Variants in TRIO observed in about 807,000 individuals in gnomAD.
The protein encoded by TRIO is triple functional domain protein.
In TRIO, 58 loss-of-function variants were observed where a neutral mutation model predicts 351.9. That is an observed-to-expected ratio of 0.16 (90% CI 0.13 to 0.21). TRIO has a LOEUF of 0.21. Among genes scored for constraint, TRIO ranks in the 10% least tolerant of loss-of-function variants. The pLI is 1.00. For synonymous variants in TRIO, 1,758 were observed against 1,595.7 expected (o/e 1.10, Z -2.42); for missense variants, 3,201 against 4,027.8 (o/e 0.79, Z 5.56).
intron 34 of TRIO, among the ~76,000 whole-genome samples, chr5:14,430,529 A>G (rs1481184797): frequency 1.3e-5 from 2 of 152,222 alleles, no homozygotes; most frequent in African/African-American, 2.4e-5. Context: ...CATCCTTGCA[A>G]AGTTCTTCGT....
intron 1 of TRIO, among the ~76,000 whole-genome samples, chr5:14,221,096 T>G (rs771243416): frequency 9.2e-5 from 14 of 152,198 alleles, no homozygotes; most frequent in Admixed American, 1.3e-4. Flanking sequence ...CTAGATACCT[T>G]AAGAATTATG....
chr5:14,355,051 C>T (rs1743489641), intron 11 of TRIO, among the ~76,000 whole-genome samples: 1 of 152,090 alleles, frequency 6.6e-6, no homozygotes, highest in Non-Finnish European at 1.5e-5. Context: ...AGGTGGGAGG[C>T]TGCAGTGGCT....
chr5:14,282,179 C>T (rs979777197), intron 3 of TRIO, among the ~76,000 whole-genome samples: 1 of 152,166 alleles, frequency 6.6e-6, no homozygotes, highest in African/African-American at 2.4e-5. Context: ...TCTTAGGCAG[C>T]TGACCTGTTG....
At chr5:14,223,069 C>T (rs1792750906) in intron 1 of TRIO, among the ~76,000 whole-genome samples, 1 of 152,164 alleles carries the variant, frequency 6.6e-6, no homozygotes, top group African/African-American at 2.4e-5. Flanking sequence ...GTGCAGCTGA[C>T]ACAGAGGCAG....
intron 1 of TRIO, among the ~76,000 whole-genome samples, chr5:14,146,896 T>A (rs1301461813): frequency 6.6e-6 from 1 of 152,220 alleles, no homozygotes; most frequent in Non-Finnish European, 1.5e-5. Flanking sequence ...TTGCTGTCAT[T>A]CCGTTCTCTG....
intron 2 of TRIO, 45 bp from the exon 3 acceptor site, chr5:14,280,277 T>C (rs1176457546): frequency 7.1e-6 from 11 of 1,548,888 alleles, no homozygotes; most frequent in Non-Finnish European, 9.8e-6. Context: ...ATAGGATTTC[T>C]GTCTTATCTT....
chr5:14,480,035 C>G (rs764710444), intron 43 of TRIO, 24 bp downstream of exon 43: 1 of 1,609,476 alleles, frequency 6.2e-7, no homozygotes, highest in Non-Finnish European at 8.5e-7. Context: ...GGGACAAACT[C>G]TGGTGTCAGG....
At chr5:14,176,492 G>A (rs551226137) in intron 1 of TRIO, among the ~76,000 whole-genome samples, 1 of 152,174 alleles carries the variant, frequency 6.6e-6, no homozygotes, top group South Asian at 2.1e-4. Context: ...ACAGAGTCTT[G>A]CTCTGTTGCC....
At chr5:14,166,995 ATTCTTGGGCT>A (rs1373221414) in intron 1 of TRIO, among the ~76,000 whole-genome samples, 2 of 151,992 alleles carry the variant, frequency 1.3e-5, no homozygotes, top group Non-Finnish European at 2.9e-5. Flanking sequence ...TCAAGCGCCC[ATTCTTGGGCT>A]TATGTCTTCT....
In TRIO at chr5:14,504,519, C is replaced by T; in HGVS notation, c.8538C>T (p.Ser2846=). 1 of 1,614,168 alleles carries T rather than the reference C, an allele frequency of 6.2e-7. No individual in the cohort carries two copies. The highest frequency in any genetic ancestry group is 8.5e-7 in the Non-Finnish European group (1 of 1,180,034). Residue 2846 remains serine, a synonymous_variant, in exon 55 of 57, where the codon AGC becomes AGT. Coordinates refer to ENST00000344204, the MANE Select transcript of TRIO (RefSeq NM_007118.4). ...CCCATGAGCTTGGCATCCTGCAGAG[C>T]CTCCAGCACCCCCTGCTTGTCGGCC... ...QVTHELGILQ[S]LQHPLLVGLL...
intron 11 of TRIO, among the ~76,000 whole-genome samples, chr5:14,348,903 TTG>T (rs942694339): frequency 2.6e-4 from 36 of 138,264 alleles, no homozygotes; most frequent in Admixed American, 8.0e-4. Context: ...TCCTGCATGT[TTG>T]TGTGTGTACG....
At chr5:14,339,118 T>A (rs1741702313) in intron 11 of TRIO, among the ~76,000 whole-genome samples, 1 of 151,984 alleles carries the variant, frequency 6.6e-6, no homozygotes, top group South Asian at 2.1e-4. Context: ...GCACCTGTAG[T>A]CCCATCTACT....
chr5:14,355,956 A>G (rs1407046136), intron 11 of TRIO, among the ~76,000 whole-genome samples: 1 of 152,112 alleles, frequency 6.6e-6, no homozygotes, highest in Non-Finnish European at 1.5e-5. Flanking sequence ...TATCTCTAAA[A>G]CTCCATTGAT....
rs1271372458 is a variant in TRIO, at chr5:14,488,003, T to C, written c.7375T>C (p.Ser2459Pro). Reference sequence around the variant, plus strand: ...GGCCGGGGCCGCTTCGCCGCTGAACTCGCCGCTCTCCAGCGCGGTCCCTTC... The same window carrying C: ...GGCCGGGGCCGCTTCGCCGCTGAACCCGCCGCTCTCCAGCGCGGTCCCTTC... The part of the protein sequence containing the change: ...PRAGAASPLN[S>P]PLSSAVPSLG... The change falls in exon 48 of 57, where the codon TCG (serine) becomes CCG (proline). Residue 2459 changes from serine (S) to proline (P), a missense_variant. Ser to Pro is a moderately conservative substitution (Grantham distance 74). This residue lies in a region of TRIO where 1,089 missense variants were observed against 954.9 expected (regional missense o/e 1.14). Coordinates refer to ENST00000344204, the MANE Select transcript of TRIO (RefSeq NM_007118.4). 5 of 1,574,646 alleles carry C rather than the reference T, an allele frequency of 3.2e-6. No individual in the cohort carries two copies. In the African/African-American group the frequency reaches 6.8e-5, roughly 21 times the overall value.
chr5:14,371,986 G>A (rs1349639800), intron 18 of TRIO, among the ~76,000 whole-genome samples: 2 of 151,898 alleles, frequency 1.3e-5, no homozygotes, highest in Non-Finnish European at 1.5e-5. Context: ...ATTCAAACAG[G>A]GTCCACATAT....
chr5:14,493,758 C>G (rs1756669430), intron 49 of TRIO, among the ~76,000 whole-genome samples: 1 of 152,226 alleles, frequency 6.6e-6, no homozygotes, highest in African/African-American at 2.4e-5. Context: ...AGGCCGAAAG[C>G]TAAGCGCCTC....
At chr5:14,277,892 G>A (rs747661302) in intron 2 of TRIO, among the ~76,000 whole-genome samples, 15 of 152,148 alleles carry the variant, frequency 9.9e-5, no homozygotes, top group Non-Finnish European at 1.6e-4. Context: ...CATTAACTGC[G>A]TTATGCCATC....
chr5:14,341,908 A>G (rs1319213637), intron 11 of TRIO, among the ~76,000 whole-genome samples: 1 of 152,210 alleles, frequency 6.6e-6, no homozygotes, highest in Non-Finnish European at 1.5e-5. Context: ...AAACTTACAC[A>G]CTGAACTGGG....
chr5:14,349,821 C>T (rs1025460969), intron 11 of TRIO, among the ~76,000 whole-genome samples: 3 of 152,172 alleles, frequency 2.0e-5, no homozygotes, highest in African/African-American at 7.2e-5. Flanking sequence ...TATTTCTTCA[C>T]CAAGGTACTA....
Sources: gnomAD v4.1 joint callset for allele counts (sites outside exome capture counted in the v4.1 genomes callset) on GRCh38, gnomAD v4.1.1 for gene constraint, gnomAD v4.1.1 regional missense constraint, MANE v1.5 for transcripts, NCBI Gene and HGNC (gene_info 2026-07-23, HGNC 2026-07-21) for gene names.